The following KIRREL3 variants were observed in gnomAD, a reference collection of about 807,000 sequenced individuals.
The protein encoded by KIRREL3 is kin of IRRE-like protein 3.
KIRREL3 carries 36 observed loss-of-function variants against 89.7 expected under a neutral mutation model. The observed-to-expected ratio is 0.40, with a 90% CI of 0.31 to 0.53. The LOEUF is 0.53. Ranked by LOEUF, KIRREL3 falls within the 20% of genes least tolerant of loss-of-function variation. KIRREL3 has a pLI of 0.49. For synonymous variants in KIRREL3, 445 were observed against 441.4 expected (o/e 1.01, Z -0.10); for missense variants, 864 against 1,056.6 (o/e 0.82, Z 2.53).
At position 126,778,014 on chromosome 11, in the gene KIRREL3, C is replaced by A. The variant is rs1365628327; in HGVS notation, c.56-215102G>T. ...GGACGGCTTCCCCCTACTCTCTTTT[C>A]CTGGTATATGAGAAATACATGCTCA... On this transcript the variant is annotated intron_variant, in intron 1 of 16. Coordinates refer to ENST00000525144, the MANE Select transcript of KIRREL3 (RefSeq NM_032531.4). The surrounding 1 kb of genome is among the most constrained non-coding windows in gnomAD (Gnocchi z 4.5). Among the ~76,000 whole-genome samples, 1 of 151,184 alleles carries A rather than the reference C, an allele frequency of 6.6e-6. No individual in the cohort carries two copies. The highest frequency in any genetic ancestry group is 1.5e-5 in the Non-Finnish European group (1 of 67,906).
rs149655041 is a variant in KIRREL3 at position 126,454,042 on chromosome 11, C to T, written c.848+2307G>A. Among the ~76,000 whole-genome samples, 238 of 152,222 alleles carry T rather than the reference C, an allele frequency of 1.6e-3. No homozygotes were observed. The highest frequency in any genetic ancestry group is 2.7e-3 in the Non-Finnish European group (181 of 68,028). On this transcript the variant is annotated intron_variant, in intron 7 of 16. Coordinates refer to ENST00000525144, the MANE Select transcript of KIRREL3 (RefSeq NM_032531.4). The surrounding 1 kb of genome is among the most constrained non-coding windows in gnomAD (Gnocchi z 5.8). Reference sequence around the variant, plus strand: ...TTTTCAGCTTGCAAAAAACAAACTTCGGAATTACAGAAAAGTTGTAAGAAT... The same window carrying T: ...TTTTCAGCTTGCAAAAAACAAACTTTGGAATTACAGAAAAGTTGTAAGAAT...
rs920645419 is a variant in KIRREL3, at chr11:126,994,610, A to T, written c.55+5845T>A. Among the ~76,000 whole-genome samples the T allele has an allele frequency of 6.6e-6, 1 of 152,236 alleles. No individual in the cohort carries two copies. Among genetic ancestry groups the T allele is most frequent in the East Asian group, 1.9e-4 (1 of 5,196 alleles). ...ATATTGACATTTACCAACTTCTAGA[A>T]GTATACAGCCAGAATACTCATTTTT... is the stretch of plus-strand genomic sequence containing the variant. On this transcript the variant is annotated intron_variant, in intron 1 of 16. Transcript: ENST00000525144. The surrounding 1 kb of genome is among the most constrained non-coding windows in gnomAD (Gnocchi z 5.2).
At chr11:126,487,591 T>C (rs930979572) in intron 4 of KIRREL3, among the ~76,000 whole-genome samples, 11 of 152,186 alleles carry the variant, frequency 7.2e-5, no homozygotes, top group Admixed American at 5.2e-4. Flanking sequence ...TGAGCCTTCT[T>C]CTTTTTTTGT....
chr11:126,457,433 G>A (rs552812862), intron 6 of KIRREL3, among the ~76,000 whole-genome samples: 2 of 151,952 alleles, frequency 1.3e-5, no homozygotes, highest in South Asian at 2.1e-4. Flanking sequence ...GTCTATGCGT[G>A]TGTGTATGTG....
At position 126,611,266 on chromosome 11, in the gene KIRREL3, GT is replaced by G. The variant is rs1192635225; in HGVS notation, c.56-48355del. On this transcript the variant is annotated intron_variant, in intron 1 of 16. Transcript: ENST00000525144. The surrounding 1 kb of genome is among the most constrained non-coding windows in gnomAD (Gnocchi z 4.7). ...GTGAATGTTAGCTGCTATTACTGTT[GT>G]TCCTACCACCGCACCCTCTCCCATT... Among the ~76,000 whole-genome samples, 1 of 152,162 alleles carries G rather than the reference GT, an allele frequency of 6.6e-6. No individual in the cohort carries two copies. Among genetic ancestry groups the G allele is most frequent in the East Asian group, 1.9e-4 (1 of 5,192 alleles).
chr11:126,445,212 C>T, intron 9 of KIRREL3, 107 bp from the exon 10 acceptor site: 1 of 1,405,124 alleles, frequency 7.1e-7, no homozygotes, highest in Non-Finnish European at 9.7e-7. Flanking sequence ...GAGGCAGTCT[C>T]CGGCATCTCA....
chr11:126,654,076 G>T (rs1945021586), intron 1 of KIRREL3, among the ~76,000 whole-genome samples: 2 of 152,186 alleles, frequency 1.3e-5, no homozygotes, highest in African/African-American at 4.8e-5. Context: ...AGTTTCAAGG[G>T]CCTCTGGACA....
intron 4 of KIRREL3, among the ~76,000 whole-genome samples, chr11:126,506,560 C>T (rs1369682525): frequency 6.6e-6 from 1 of 152,156 alleles, no homozygotes; most frequent in Admixed American, 6.5e-5. Flanking sequence ...CCACTTGAAA[C>T]CTGTAACAGT....
At position 126,601,174 on chromosome 11, in the gene KIRREL3, C is replaced by T. The variant is rs1274493088; in HGVS notation, c.56-38262G>A. Among the ~76,000 whole-genome samples the T allele has an allele frequency of 6.6e-6, 1 of 152,144 alleles. No homozygotes were observed. The highest frequency in any genetic ancestry group is 1.5e-5 in the Non-Finnish European group (1 of 68,038). ...AATGTATTTATGAACCAGCCTCTAT[C>T]TAAGGGAGAGAATTTATGTCTCTTC... On this transcript the variant is annotated intron_variant, in intron 1 of 16. Coordinates refer to ENST00000525144, the MANE Select transcript of KIRREL3 (RefSeq NM_032531.4). This position sits in a 1 kb window ranked among gnomAD's most constrained non-coding sequence, Gnocchi z 5.8.
rs554239141 is a variant in KIRREL3 at position 126,620,357 on chromosome 11, G to A, written c.56-57445C>T. On this transcript the variant is annotated intron_variant, in intron 1 of 16. Coordinates refer to ENST00000525144, the MANE Select transcript of KIRREL3 (RefSeq NM_032531.4). This position sits in a 1 kb window ranked among gnomAD's most constrained non-coding sequence, Gnocchi z 4.8. ...TGTCCTTATTAACATGTGGCATCCA[G>A]TACCAAACACTCTTTCACCAGCCCA... Among the ~76,000 whole-genome samples, 7 of 152,248 alleles carry A rather than the reference G, an allele frequency of 4.6e-5. No homozygotes were observed. Among genetic ancestry groups the A allele is most frequent in the African/African-American group, 1.7e-4 (7 of 41,528 alleles).
In KIRREL3 at chr11:126,615,410, T is replaced by C. The variant is rs1463223400; in HGVS notation, c.56-52498A>G. Among the ~76,000 whole-genome samples, 1 of 152,200 alleles carries C rather than the reference T, an allele frequency of 6.6e-6. No homozygotes were observed. The highest frequency in any genetic ancestry group is 1.5e-5 in the Non-Finnish European group (1 of 68,032). ...ATGCTTTAGAAGTAAGTATATTTAT[T>C]ACCCCACTCTACAGTTAAGGAAACC... On this transcript the variant is annotated intron_variant, in intron 1 of 16. Transcript: ENST00000525144. The surrounding 1 kb of genome is among the most constrained non-coding windows in gnomAD (Gnocchi z 5.4).
In KIRREL3 at chr11:126,594,179, T is replaced by C. The variant is rs1942281117; in HGVS notation, c.56-31267A>G. Among the ~76,000 whole-genome samples, 1 of 152,122 alleles carries C rather than the reference T, an allele frequency of 6.6e-6. No homozygotes were observed. Among genetic ancestry groups the C allele is most frequent in the Non-Finnish European group, 1.5e-5 (1 of 68,014 alleles). ...TCTGAAGTAAGCTGTGGGACTCATC[T>C]ACCTGGAGAAGAAGGCAGGCAGAAG... On this transcript the variant is annotated intron_variant, in intron 1 of 16. Coordinates refer to ENST00000525144, the MANE Select transcript of KIRREL3 (RefSeq NM_032531.4). This position sits in a 1 kb window ranked among gnomAD's most constrained non-coding sequence, Gnocchi z 5.0.
chr11:126,938,958 A>G (rs1441371065), intron 1 of KIRREL3, among the ~76,000 whole-genome samples: 1 of 152,136 alleles, frequency 6.6e-6, no homozygotes, highest in East Asian at 1.9e-4. Context: ...GTCTCTAGGT[A>G]GAGGGTAAAG....
chr11:126,839,690 G>A (rs1445863709), intron 1 of KIRREL3, among the ~76,000 whole-genome samples: 1 of 152,186 alleles, frequency 6.6e-6, no homozygotes, highest in African/African-American at 2.4e-5. Flanking sequence ...TTGCTGTGGT[G>A]GAAGTGTGTT....
Position 126,571,956 on chromosome 11 carries a change from GA to G in KIRREL3, c.56-9045del, listed in dbSNP as rs1220272186. 1.3e-5 allele frequency among the ~76,000 whole-genome samples: 2 copies of G among 152,314 alleles called. No homozygotes were observed. The highest frequency in any genetic ancestry group is 3.9e-4 in the East Asian group (2 of 5,186). ...CCAGTCTGTCTTCCACACACCCTGT[GA>G]GGAACAGGGGCTGCCAAAAGCCATA... On this transcript the variant is annotated intron_variant, in intron 1 of 16. Transcript: ENST00000525144. This position sits in a 1 kb window ranked among gnomAD's most constrained non-coding sequence, Gnocchi z 7.7.
In KIRREL3 at chr11:126,946,706, A is replaced by G. The variant is rs75545443; in HGVS notation, c.55+53749T>C. Among the ~76,000 whole-genome samples, 15,193 of 152,228 alleles carry G rather than the reference A, an allele frequency of 0.1. 840 individuals carry two copies. Among genetic ancestry groups the G allele is most frequent in the African/African-American group, 0.15 (6,214 of 41,524 alleles). The stretch of plus-strand genomic sequence containing the variant: ...AATTCAATGCTTGGATATCCTAATA[A>G]CAGGTGTAATAATAATCACTACTCT... On this transcript the variant is annotated intron_variant, in intron 1 of 16. Transcript: ENST00000525144. The surrounding 1 kb of genome is among the most constrained non-coding windows in gnomAD (Gnocchi z 4.1).
At chr11:126,864,302 GA>G (rs1014468938) in intron 1 of KIRREL3, among the ~76,000 whole-genome samples, 3 of 152,168 alleles carry the variant, frequency 2.0e-5, no homozygotes, top group African/African-American at 7.2e-5. Context: ...TACATGAGGG[GA>G]CAGTGGCTTC....
intron 1 of KIRREL3, among the ~76,000 whole-genome samples, chr11:126,757,375 A>G (rs1056177636): frequency 2.0e-5 from 3 of 152,188 alleles, no homozygotes; most frequent in Admixed American, 6.5e-5. Flanking sequence ...TTCATAATAC[A>G]AATTTGCTAT....
intron 1 of KIRREL3, among the ~76,000 whole-genome samples, chr11:126,714,438 T>C (rs1947879810): frequency 6.6e-6 from 1 of 152,184 alleles, no homozygotes. Flanking sequence ...TGCTAATGCC[T>C]GCGATTCTCT....
Sources: gnomAD v4.1 joint callset for allele counts (sites outside exome capture counted in the v4.1 genomes callset) on GRCh38, gnomAD v4.1.1 for gene constraint, Gnocchi (gnomAD v3.1) non-coding constraint, MANE v1.5 for transcripts, NCBI Gene and HGNC (gene_info 2026-07-23, HGNC 2026-07-21) for gene names.